The following BRWD3 variants were observed in gnomAD, a reference collection of about 807,000 sequenced individuals.
BRWD3 encodes the protein bromodomain and WD repeat-containing protein 3.
BRWD3 carries 10 observed loss-of-function variants against 149.7 expected under a neutral mutation model. That is an observed-to-expected ratio of 0.07 (90% CI 0.04 to 0.11). BRWD3 has a LOEUF of 0.11. Among genes scored for constraint, BRWD3 ranks in the 10% least tolerant of loss-of-function variants. BRWD3 has a pLI of 1.00. For missense variants in BRWD3, 940 were observed against 1,373.2 expected (o/e 0.68, Z 4.99); for synonymous variants, 504 against 456.7 (o/e 1.10, Z -1.32).
At chrX:80,764,605 G>A (rs1317235789) in intron 6 of BRWD3, among the ~76,000 whole-genome samples, 1 of 110,317 alleles carries the variant, frequency 9.1e-6, no homozygotes, top group East Asian at 2.9e-4. Context: ...GAGCCACCGC[G>A]CCCAGCCTTA....
intron 7 of BRWD3, among the ~76,000 whole-genome samples, chrX:80,744,909 G>A (rs1429164512): frequency 1.8e-5 from 2 of 111,590 alleles, no homozygotes; most frequent in African/African-American, 3.3e-5. Context: ...ACTCTAAGGT[G>A]TAATAACTTC....
intron 6 of BRWD3, among the ~76,000 whole-genome samples, chrX:80,770,503 CAT>C (rs1386595757): frequency 9.0e-6 from 1 of 111,600 alleles, no homozygotes; most frequent in African/African-American, 3.3e-5. Flanking sequence ...ACAAAAACCA[CAT>C]GATTATCTCA....
intron 8 of BRWD3, among the ~76,000 whole-genome samples, chrX:80,740,586 A>C (rs1186776425): frequency 1.8e-5 from 2 of 111,649 alleles, no homozygotes; most frequent in African/African-American, 6.5e-5. Flanking sequence ...GTCTCTACAA[A>C]AAAAATACAA....
chrX:80,808,557 T>C lies in BRWD3; in HGVS notation c.162A>G (p.Arg54=). 1 of 1,207,807 alleles carries C rather than the reference T, an allele frequency of 8.3e-7. No individual in the cohort carries two copies. Among genetic ancestry groups the C allele is most frequent in the Non-Finnish European group, 1.1e-6 (1 of 893,903 alleles). Residue 54 remains arginine (R), a synonymous_variant, in exon 4 of 41, where the codon CGA becomes CGG. Coordinates refer to ENST00000373275, the MANE Select transcript of BRWD3 (RefSeq NM_153252.5). ...TACTCACCAGATCCTCGAAGCTTCT[T>C]CGGTGCTCTTTCCCCTCCCAATCTA... ...RRLDWEGKEH[R]RSFEDLVAAN... is the part of the protein sequence containing the mutation.
Position 80,809,520 on chromosome X carries a change from G to A in BRWD3, c.-49C>T, listed in dbSNP as rs368967780. ...GCTTCGCTCCGGAGGGGCTGGCGGG[G>A]GCGGGTGGGGGCGCTGCCTCTATTG... On this transcript the variant is annotated 5_prime_UTR_variant, in exon 1 of 41. Transcript: ENST00000373275. The A allele has an allele frequency of 2.5e-5, 20 of 808,307 alleles. No individual in the cohort carries two copies. Among genetic ancestry groups the A allele is most frequent in the East Asian group, 2.1e-4 (6 of 28,920 alleles). The allele number at this position is 808,307 out of a possible 1,213,427, so 66.6% of individuals were successfully genotyped here.
intron 13 of BRWD3, among the ~76,000 whole-genome samples, chrX:80,729,556 A>G (rs1028827113): frequency 8.9e-6 from 1 of 111,787 alleles, no homozygotes; most frequent in Non-Finnish European, 1.9e-5. Context: ...AATTAGAGAA[A>G]AAGTTAAACA....
chrX:80,779,759 A>G (rs2074038444), intron 6 of BRWD3, among the ~76,000 whole-genome samples: 1 of 112,042 alleles, frequency 8.9e-6, no homozygotes, highest in African/African-American at 3.2e-5. Flanking sequence ...GTATAGAATT[A>G]CTTCTTTCAT....
intron 20 of BRWD3, among the ~76,000 whole-genome samples, chrX:80,711,136 T>C (rs2072959631): frequency 1.8e-5 from 2 of 112,289 alleles, no homozygotes; most frequent in Admixed American, 1.9e-4. Context: ...TGTGTTTATT[T>C]AGTTCTGCTC....
chrX:80,719,691 T>C, intron 17 of BRWD3, 35 bp from the exon 18 acceptor site: 1 of 1,185,114 alleles, frequency 8.4e-7, no homozygotes, highest in Non-Finnish European at 1.1e-6. Context: ...ACAAAATTAC[T>C]TACATTTTAG....
At chrX:80,808,621 G>C (rs2147875580) in intron 3 of BRWD3, 23 bp from the exon 4 acceptor site, 1 of 1,197,621 alleles carries the variant, frequency 8.3e-7, no homozygotes, top group Non-Finnish European at 1.1e-6. Context: ...CGAAAAGAAA[G>C]GGGGAAGCGG....
At chrX:80,802,531 C>G (rs1382452553) in intron 4 of BRWD3, among the ~76,000 whole-genome samples, 1 of 107,524 alleles carries the variant, frequency 9.3e-6, no homozygotes, top group Non-Finnish European at 1.9e-5. Flanking sequence ...CATCTGGGGT[C>G]ATAGTTCTCC....
intron 6 of BRWD3, among the ~76,000 whole-genome samples, chrX:80,747,924 T>C (rs779508030): frequency 8.9e-6 from 1 of 112,098 alleles, no homozygotes; most frequent in African/African-American, 3.2e-5. Context: ...ATTTTGTTTC[T>C]TTCATTTTCA....
At chrX:80,785,459 G>A (rs1226071807) in intron 6 of BRWD3, among the ~76,000 whole-genome samples, 1 of 111,896 alleles carries the variant, frequency 8.9e-6, no homozygotes, top group Non-Finnish European at 1.9e-5. Flanking sequence ...TAGAATCTGG[G>A]AATTAACTCT....
chrX:80,689,683 G>A (rs2072585068), intron 33 of BRWD3, 85 bp downstream of exon 33: 1 of 855,806 alleles, frequency 1.2e-6, no homozygotes, highest in South Asian at 2.2e-5. Context: ...TGCTGTTCAT[G>A]GCCAATTACA....
At chrX:80,706,939 T>C (rs1056410940) in intron 22 of BRWD3, among the ~76,000 whole-genome samples, 1 of 112,564 alleles carries the variant, frequency 8.9e-6, no homozygotes, top group African/African-American at 3.2e-5. Context: ...AGTAACATAG[T>C]TGTTTATTAA....
intron 6 of BRWD3, among the ~76,000 whole-genome samples, chrX:80,761,536 G>T (rs1010512002): frequency 1.8e-5 from 2 of 111,319 alleles, no homozygotes; most frequent in African/African-American, 6.5e-5. Flanking sequence ...TAAACTTAAG[G>T]TTTAATATTT....
chrX:80,804,582 A>G (rs73227344), intron 4 of BRWD3, among the ~76,000 whole-genome samples: 9,337 of 111,542 alleles, frequency 0.084, 373 homozygotes, highest in South Asian at 0.19. Context: ...TGATTTAAAA[A>G]TCTTAAAATG....
rs201017662 is a variant in BRWD3 at position 80,772,618 on chromosome X, TA to T, written c.430+19235del. 3.4e-3 allele frequency among the ~76,000 whole-genome samples: 361 copies of T among 107,673 alleles called. 6 individuals carry two copies. The highest frequency in any genetic ancestry group is 0.032 in the Admixed American group (319 of 10,056). The allele number at this position is 107,673 out of a possible 115,157, so 93.5% of individuals were successfully genotyped here. A position where few individuals can be genotyped will look rare whatever the true frequency, so the allele number is the denominator to read the frequency against. On this transcript the variant is annotated intron_variant, in intron 6 of 40. Transcript: ENST00000373275. ...GTACCCTAGAACTTAAAGTATAATT[TA>T]AAAAAAAATAAATGATCCTGAAGAA...
rs1306558933 is a variant in BRWD3, at chrX:80,696,024, T to C, written c.3069-34A>G. 6.6e-6 allele frequency: 7 copies of C among 1,066,555 alleles called. No individual in the cohort carries two copies. The African/African-American group carries it at 1.1e-4, about 17-fold the overall frequency. 87.9% of individuals were successfully genotyped at this position (1,066,555 alleles called of 1,213,427 possible). Reference sequence around the variant, plus strand: ...AAAATAAAGCACATATGAATCAATATAGAGATATAACAATATATGTTACTA... The same window carrying C: ...AAAATAAAGCACATATGAATCAATACAGAGATATAACAATATATGTTACTA... On this transcript the variant is annotated intron_variant, in intron 26 of 40. Coordinates refer to ENST00000373275, the MANE Select transcript of BRWD3 (RefSeq NM_153252.5).
Sources: allele counts gnomAD v4.1 joint callset (sites outside exome capture counted in the v4.1 genomes callset), GRCh38; gene constraint gnomAD v4.1.1; transcripts MANE v1.5; gene names NCBI Gene and HGNC (gene_info 2026-07-23, HGNC 2026-07-21).